MLXIPL: variants seen among roughly 807,000 people sequenced by gnomAD.
MLXIPL encodes the protein carbohydrate-responsive element-binding protein.
Under a neutral mutation model 81.5 loss-of-function variants are expected in MLXIPL, and 49 were observed. The ratio of observed to expected loss-of-function variants is 0.60; its 90% CI spans 0.48 to 0.76. The LOEUF is 0.76. Ranked by LOEUF, MLXIPL falls within the 30% of genes least tolerant of loss-of-function variation. MLXIPL has a pLI of 0.00. For synonymous variants in MLXIPL, 466 were observed against 485.5 expected (o/e 0.96, Z 0.53); for missense variants, 1,053 against 1,167.0 (o/e 0.90, Z 1.42).
chr7:73,593,666 C>G lies in MLXIPL; in HGVS notation c.*199G>C. ...AGGTCACGGTGCTGGAGCACAGTGG[C>G]AGAGCAGGGACGGGGACTCTGCTCT... On this transcript the variant is annotated 3_prime_UTR_variant, in exon 17 of 17. Coordinates refer to ENST00000313375, the MANE Select transcript of MLXIPL (RefSeq NM_032951.3). 1 of 579,040 alleles carries G rather than the reference C, an allele frequency of 1.7e-6. No individual in the cohort carries two copies. Among genetic ancestry groups the G allele is most frequent in the East Asian group, 3.0e-5 (1 of 33,106 alleles). The allele number at this position is 579,040 out of a possible 1,614,324, so 35.9% of individuals were successfully genotyped here.
the MLXIPL span, among the ~76,000 whole-genome samples, chr7:73,647,508 C>T: frequency 6.6e-6 from 1 of 152,164 alleles, no homozygotes; most frequent in Non-Finnish European, 1.5e-5. Flanking sequence ...TTCCAGGACC[C>T]GTGTGCACTT....
At chr7:73,637,219 T>C in the MLXIPL span, among the ~76,000 whole-genome samples, 1 of 152,150 alleles carries the variant, frequency 6.6e-6, no homozygotes, top group African/African-American at 2.4e-5. Flanking sequence ...GGCTCATGCC[T>C]GTAATCCCAG....
At chr7:73,638,439 G>A in the MLXIPL span, among the ~76,000 whole-genome samples, 1 of 151,994 alleles carries the variant, frequency 6.6e-6, no homozygotes, top group Non-Finnish European at 1.5e-5. Context: ...CAAGTGGCTG[G>A]GATGGCTAAT....
At chr7:73,630,634 C>T in the MLXIPL span, among the ~76,000 whole-genome samples, 5 of 152,148 alleles carry the variant, frequency 3.3e-5, no homozygotes, top group South Asian at 2.1e-4. Context: ...AAGAAAACAA[C>T]CTTTGCTGAA....
At chr7:73,602,098 T>TCCTGCCTG (rs1207215774) in intron 7 of MLXIPL, among the ~76,000 whole-genome samples, 13 of 104,124 alleles carry the variant, frequency 1.2e-4, no homozygotes, top group South Asian at 7.0e-4. Flanking sequence ...CTGCCTGCCT[T>TCCTGCCTG]CCTGCCTGCC....
In MLXIPL at chr7:73,624,376, G is replaced by A; in HGVS notation, c.117C>T (p.Gly39=). Residue 39 remains glycine (G), a synonymous_variant, in exon 1 of 17, where the codon GGC becomes GGT. Transcript: ENST00000313375. The stretch of plus-strand genomic sequence containing the variant: ...GGATGACCTGCGAGCGGAGCAAGCC[G>A]CCCGCGCTGCGCCGGAGACTCGGGT... ...SEDPSLRRSA[G]GLLRSQVIHS... 6.4e-7 allele frequency: 1 copy of A among 1,572,584 alleles called. No homozygotes were observed.
chr7:73,640,091 GTAAAA>G, the MLXIPL span, among the ~76,000 whole-genome samples: 1 of 144,634 alleles, frequency 6.9e-6, no homozygotes, highest in Non-Finnish European at 1.5e-5. Context: ...ATAAAGTAAA[GTAAAA>G]TAAAATAAAA....
chr7:73,625,733 A>G (rs1395662830), upstream of MLXIPL, among the ~76,000 whole-genome samples: 4 of 152,042 alleles, frequency 2.6e-5, 1 homozygote, highest in Non-Finnish European at 5.9e-5. Context: ...ACTGCACTCC[A>G]CCCTGGGCAA....
chr7:73,637,741 T>G, the MLXIPL span, among the ~76,000 whole-genome samples: 1 of 152,258 alleles, frequency 6.6e-6, no homozygotes, highest in African/African-American at 2.4e-5. Flanking sequence ...TGTGAGCTCA[T>G]GTTCCAGGCT....
At chr7:73,624,694 C>T, upstream of MLXIPL, 2 of 680,254 alleles carry the variant, frequency 2.9e-6, no homozygotes, top group South Asian at 6.5e-5. Flanking sequence ...GGCGGGTTGG[C>T]CCCATCTCCC....
At chr7:73,614,886 C>T (rs1276845652) in intron 2 of MLXIPL, among the ~76,000 whole-genome samples, 1 of 148,506 alleles carries the variant, frequency 6.7e-6, no homozygotes, top group Non-Finnish European at 1.5e-5. Flanking sequence ...TCTCAGCTCA[C>T]TGCAAGCTCC....
the MLXIPL span, among the ~76,000 whole-genome samples, chr7:73,638,564 G>C: frequency 6.6e-6 from 1 of 151,710 alleles, no homozygotes; most frequent in Non-Finnish European, 1.5e-5. Flanking sequence ...TTACAGGTGT[G>C]AGCCACCACA....
chr7:73,596,725 C>G lies in MLXIPL; in HGVS notation c.1736G>C (p.Arg579Pro), dbSNP rs369190010. 6.3e-7 allele frequency: 1 copy of G among 1,591,082 alleles called. No homozygotes were observed. The highest frequency in any genetic ancestry group is 1.7e-5 in the Admixed American group (1 of 57,238). ...CAATGTGGCCGGGCCTGGAGGTGGC[C>G]GGGGCGGTGTAGGGGCCGGGGTCGG... is the stretch of plus-strand genomic sequence containing the variant. ...LPPTPAPTPP[R>P]PPPGPATLAP... Residue 579 changes from arginine (R) to proline (P), a missense_variant, in exon 11 of 17, where the codon CGG (arginine) becomes CCG (proline). Arg to Pro is a moderately radical substitution (Grantham distance 103). Transcript: ENST00000313375. This position sits in a 1 kb window ranked among gnomAD's most constrained non-coding sequence, Gnocchi z 4.7.
At position 73,606,007 on chromosome 7, in the gene MLXIPL, C is replaced by G. The variant is rs3812316; in HGVS notation, c.723G>C (p.Gln241His). The G allele has an allele frequency of 0.12, 184,339 of 1,585,936 alleles. 11,463 individuals carry two copies. The highest frequency in any genetic ancestry group is 0.15 in the Middle Eastern group (912 of 6,018). Residue 241 changes from glutamine (Q) to histidine (H), a missense_variant, in exon 6 of 17, where the codon CAG becomes CAC. Transcript: ENST00000313375. ...GDPEEEPGGR[Q>H]LLDLNCFLSD... The stretch of plus-strand genomic sequence containing the variant: ...ACAAAAAGCAATTGAGGTCCAGGAG[C>G]TGCCGCCCACCCGGCTCCTCCTCTG...
At chr7:73,609,559 TG>T (rs1795555857) in intron 2 of MLXIPL, 1 of 145,134 alleles carries the variant, frequency 6.9e-6, no homozygotes, top group Non-Finnish European at 1.5e-5. Context: ...CCGCTTTGTG[TG>T]TGTGTGTGTG....
At position 73,624,191 on chromosome 7, in the gene MLXIPL, C is replaced by G. The variant is rs782610313; in HGVS notation, c.293+9G>C. The G allele has an allele frequency of 6.4e-7, 1 of 1,572,816 alleles. No individual in the cohort carries two copies. The highest frequency in any genetic ancestry group is 8.6e-7 in the Non-Finnish European group (1 of 1,161,052). Reference sequence around the variant, plus strand: ...AGCCAAGGCCGTCAGGGCCCGGAACCGCCCTCACCTGTAGGCCAGGCTCAA... The same window carrying G: ...AGCCAAGGCCGTCAGGGCCCGGAACGGCCCTCACCTGTAGGCCAGGCTCAA... On this transcript the variant is annotated intron_variant, in intron 1 of 16. Transcript: ENST00000313375.
chr7:73,638,124 C>T, the MLXIPL span, among the ~76,000 whole-genome samples: 3 of 152,146 alleles, frequency 2.0e-5, no homozygotes, highest in Non-Finnish European at 2.9e-5. Flanking sequence ...AACAAAACCA[C>T]CAGTCTCTGC....
chr7:73,595,925 A>G lies in MLXIPL; in HGVS notation c.2103T>C (p.Leu701=). The change falls in exon 14 of 17, where the codon CTT becomes CTC. Residue 701 remains leucine, a synonymous_variant. Coordinates refer to ENST00000313375, the MANE Select transcript of MLXIPL (RefSeq NM_032951.3). ...AGCCCGCACGCTCCTGCTGTAGCAT[A>G]AGGATGTACTCAGCTGTCTTCTGCA... ...TTLQKTAEYI[L]MLQQERAGLQ... 6.2e-7 allele frequency: 1 copy of G among 1,613,326 alleles called. No individual in the cohort carries two copies. The highest frequency in any genetic ancestry group is 1.1e-5 in the South Asian group (1 of 91,074).
chr7:73,640,531 C>G, the MLXIPL span, among the ~76,000 whole-genome samples: 1 of 151,796 alleles, frequency 6.6e-6, no homozygotes, highest in African/African-American at 2.4e-5. Context: ...AATCCCAGCA[C>G]TTTGGGAGGC....
Sources: gnomAD v4.1 joint callset for allele counts (sites outside exome capture counted in the v4.1 genomes callset) on GRCh38, gnomAD v4.1.1 for gene constraint, Gnocchi (gnomAD v3.1) non-coding constraint, MANE v1.5 for transcripts, NCBI Gene and HGNC (gene_info 2026-07-23, HGNC 2026-07-21) for gene names.